Variants in DNAH5 observed in about 807,000 individuals in gnomAD.
DNAH5 encodes axonemal beta dynein heavy chain 5.
A neutral mutation model predicts 518.2 loss-of-function variants in DNAH5; 372 were observed. The ratio of observed to expected loss-of-function variants is 0.72; its 90% CI spans 0.66 to 0.78. The LOEUF is 0.78. Among genes scored for constraint, DNAH5 ranks in the 30% least tolerant of loss-of-function variants. The pLI, the probability that DNAH5 is intolerant of heterozygous loss-of-function variation, is 0.00. For missense variants in DNAH5, 5,523 were observed against 5,687.0 expected (o/e 0.97, Z 0.93); for synonymous variants, 2,039 against 2,025.9 (o/e 1.01, Z -0.17).
At chr5:13,754,773 G>C (rs1326959649) in intron 61 of DNAH5, among the ~76,000 whole-genome samples, 1 of 151,828 alleles carries the variant, frequency 6.6e-6, no homozygotes. Context: ...CCCAACCTCA[G>C]GTGATCCGCC....
intron 44 of DNAH5, among the ~76,000 whole-genome samples, chr5:13,810,958 T>G (rs1760610850): frequency 6.6e-6 from 1 of 152,118 alleles, no homozygotes; most frequent in Admixed American, 6.5e-5. Context: ...GGTTATTATG[T>G]TAAGTGAAAT....
At chr5:13,932,975 T>C (rs1023503673) in intron 1 of DNAH5, among the ~76,000 whole-genome samples, 1 of 152,198 alleles carries the variant, frequency 6.6e-6, no homozygotes, top group Non-Finnish European at 1.5e-5. Context: ...AGACCATTCT[T>C]GTTGTGAGGA....
intron 3 of DNAH5, 79 bp from the exon 4 acceptor site, chr5:13,923,519 T>C (rs1309941036): frequency 1.3e-6 from 2 of 1,527,792 alleles, no homozygotes; most frequent in African/African-American, 2.7e-5. Context: ...AGTTTCCTTG[T>C]TAAAATATTG....
rs542934815 is a variant in DNAH5 at position 13,998,276 on chromosome 5, G to A, written c.12+13372C>T. On this transcript the variant is annotated intron_variant, in intron 1 of 78. Transcript: ENST00000681290. Reference sequence around the variant, plus strand: ...ACCTCACATAGTGGAAGGGCTGATGGGACTAACAGACTTCCTTAAGCCCTT... The same window carrying A: ...ACCTCACATAGTGGAAGGGCTGATGAGACTAACAGACTTCCTTAAGCCCTT... Among the ~76,000 whole-genome samples the A allele has an allele frequency of 7.2e-5, 11 of 152,232 alleles. 1 individual carries two copies. Among genetic ancestry groups the A allele is most frequent in the African/African-American group, 2.4e-4 (10 of 41,536 alleles).
intron 41 of DNAH5, among the ~76,000 whole-genome samples, chr5:13,818,392 T>A (rs1237243056): frequency 6.6e-6 from 1 of 152,196 alleles, no homozygotes; most frequent in South Asian, 2.1e-4. Context: ...AGGTCAGGAG[T>A]TCGAGATCAG....
At chr5:13,927,484 G>C (rs941063172) in intron 3 of DNAH5, among the ~76,000 whole-genome samples, 2 of 151,974 alleles carry the variant, frequency 1.3e-5, no homozygotes, top group African/African-American at 4.8e-5. Flanking sequence ...ACTCCAGTCT[G>C]GTGACAGAGC....
intron 34 of DNAH5, 102 bp downstream of exon 34, chr5:13,840,804 A>G: frequency 1.0e-6 from 1 of 960,470 alleles, no homozygotes; most frequent in South Asian, 1.4e-5. Flanking sequence ...CCAGAATTTA[A>G]TTTTTTCCTT....
At chr5:13,845,034 A>C in intron 31 of DNAH5, 41 bp from the exon 32 acceptor site, 1 of 1,600,080 alleles carries the variant, frequency 6.2e-7, no homozygotes, top group Non-Finnish European at 8.6e-7. Flanking sequence ...TAACCACACA[A>C]AGCTGGTCGT....
At chr5:13,786,115 G>T in intron 52 of DNAH5, 64 bp downstream of exon 52, 3 of 1,488,388 alleles carry the variant, frequency 2.0e-6, no homozygotes, top group Non-Finnish European at 2.8e-6. Context: ...AGAGGGAGAG[G>T]ACCATGGTGT....
intron 41 of DNAH5, 111 bp from the exon 42 acceptor site, chr5:13,817,805 A>C: frequency 1.1e-6 from 1 of 925,332 alleles, no homozygotes; most frequent in East Asian, 2.5e-5. Context: ...AAATATGAAA[A>C]CTGCAGAACT....
intron 65 of DNAH5, among the ~76,000 whole-genome samples, chr5:13,742,395 C>A (rs189660067): frequency 5.3e-5 from 8 of 152,018 alleles, no homozygotes; most frequent in Non-Finnish European, 1.2e-4. Flanking sequence ...TCCTGCTGAC[C>A]CTTTTCCACT....
chr5:13,721,333 A>C, intron 70 of DNAH5, 88 bp from the exon 71 acceptor site: 1 of 1,536,336 alleles, frequency 6.5e-7, no homozygotes, highest in South Asian at 1.1e-5. Context: ...TCATTTTTGT[A>C]ATTATCTCAG....
chr5:13,696,431 C>T (rs1433281423), intron 78 of DNAH5, among the ~76,000 whole-genome samples: 2 of 152,128 alleles, frequency 1.3e-5, no homozygotes, highest in African/African-American at 4.8e-5. Context: ...TAGCAAGAAA[C>T]ATGATTTCTT....
At chr5:14,001,315 T>C (rs964741371) in intron 1 of DNAH5, among the ~76,000 whole-genome samples, 6 of 152,174 alleles carry the variant, frequency 3.9e-5, no homozygotes, top group Non-Finnish European at 7.4e-5. Context: ...AAAAGAAAAG[T>C]AATGCAATTT....
At chr5:13,842,436 A>AG (rs1491375033) in intron 32 of DNAH5, among the ~76,000 whole-genome samples, 15,135 of 97,828 alleles carry the variant, frequency 0.15, 3,181 homozygotes, top group East Asian at 0.36. Flanking sequence ...AGAAAGAAAG[A>AG]AAGAAAGAAA....
At position 13,931,199 on chromosome 5, in the gene DNAH5, C is replaced by T. The variant is rs528860972; in HGVS notation, c.103G>A (p.Ala35Thr). Residue 35 changes from alanine to threonine, a missense_variant, in exon 2 of 79, where the codon GCG (alanine) becomes ACG (threonine). By Grantham distance (58) the Ala-to-Thr change is moderately conservative. This residue lies in a region of DNAH5 where 5,121 missense variants were observed against 5,223.3 expected (regional missense o/e 0.98). Transcript: ENST00000265104. ...EKEAKRALLD[A>T]RHNYLFAIVA... Reference sequence around the variant, plus strand: ...ATTGCAAATAAGTAGTTATGCCTCGCATCCAAAAGAGCCCGCTTGGCTTCC... The same window carrying T: ...ATTGCAAATAAGTAGTTATGCCTCGTATCCAAAAGAGCCCGCTTGGCTTCC... 3 of 1,614,164 alleles carry T rather than the reference C, an allele frequency of 1.9e-6. No homozygotes were observed.
intron 1 of DNAH5, among the ~76,000 whole-genome samples, chr5:13,994,891 T>C (rs1193815459): frequency 5.3e-5 from 8 of 152,202 alleles, no homozygotes; most frequent in Admixed American, 4.6e-4. Flanking sequence ...CTTGTGTTCA[T>C]TGCCACAATC....
At chr5:13,893,283 C>T (rs1478015640) in intron 16 of DNAH5, among the ~76,000 whole-genome samples, 5 of 151,820 alleles carry the variant, frequency 3.3e-5, no homozygotes, top group Non-Finnish European at 5.9e-5. Context: ...GGAGGCATCA[C>T]GAGAGCTATC....
At chr5:13,696,953 T>C (rs962427797) in intron 78 of DNAH5, among the ~76,000 whole-genome samples, 1 of 152,212 alleles carries the variant, frequency 6.6e-6, no homozygotes, top group Non-Finnish European at 1.5e-5. Flanking sequence ...ATAGTTCTTC[T>C]ATAAAAATCT....
Sources: allele counts gnomAD v4.1 joint callset (sites outside exome capture counted in the v4.1 genomes callset), GRCh38; gene constraint gnomAD v4.1.1; regional missense constraint gnomAD v4.1.1; transcripts MANE v1.5; gene names NCBI Gene and HGNC (gene_info 2026-07-23, HGNC 2026-07-21).